The following RYR2 variants were observed in gnomAD, a reference collection of about 807,000 sequenced individuals.
RYR2 encodes the protein cardiac muscle ryanodine receptor-calcium release channel.
A neutral mutation model predicts 601.1 loss-of-function variants in RYR2; 227 were observed. The observed-to-expected ratio is 0.38, with a 90% CI of 0.34 to 0.42. The LOEUF is 0.42. Among genes scored for constraint, RYR2 ranks in the 10% least tolerant of loss-of-function variants. The pLI is 1.00. For missense variants in RYR2, 4,646 were observed against 6,156.5 expected (o/e 0.75, Z 8.21); for synonymous variants, 2,223 against 2,175.1 (o/e 1.02, Z -0.61).
chr1:237,535,167 G>T (rs930192231), intron 25 of RYR2, among the ~76,000 whole-genome samples: 1 of 150,688 alleles, frequency 6.6e-6, no homozygotes, highest in African/African-American at 2.4e-5. Context: ...GAAAGTAAAA[G>T]AAAATAAATT....
At chr1:237,342,674 A>T (rs544990414) in intron 3 of RYR2, among the ~76,000 whole-genome samples, 10 of 152,224 alleles carry the variant, frequency 6.6e-5, no homozygotes, top group African/African-American at 2.2e-4. Context: ...GCCACATGTG[A>T]CCCATGACTT....
intron 73 of RYR2, among the ~76,000 whole-genome samples, chr1:237,720,811 G>T (rs572234547): frequency 2.0e-5 from 3 of 152,178 alleles, no homozygotes; most frequent in South Asian, 4.1e-4. Context: ...AAATAAAGGT[G>T]GTTATGATTA....
intron 14 of RYR2, among the ~76,000 whole-genome samples, chr1:237,453,621 T>C (rs947497672): frequency 6.6e-6 from 1 of 152,124 alleles, no homozygotes; most frequent in African/African-American, 2.4e-5. Flanking sequence ...ACAGTAGAGA[T>C]GTTGTCCCAT....
intron 1 of RYR2, among the ~76,000 whole-genome samples, chr1:237,217,742 T>C (rs973539833): frequency 6.6e-6 from 1 of 152,190 alleles, no homozygotes; most frequent in African/African-American, 2.4e-5. Context: ...GACTGCTGAC[T>C]CGCTTTACTC....
At chr1:237,753,220 T>C (rs1692681012) in intron 80 of RYR2, among the ~76,000 whole-genome samples, 1 of 152,214 alleles carries the variant, frequency 6.6e-6, no homozygotes, top group Admixed American at 6.5e-5. Flanking sequence ...AAAACCACAA[T>C]TACCTTTGCA....
chr1:237,464,600 T>C (rs944900366), intron 16 of RYR2, among the ~76,000 whole-genome samples: 1 of 152,186 alleles, frequency 6.6e-6, no homozygotes, highest in Non-Finnish European at 1.5e-5. Context: ...TCTCTGTTTC[T>C]ATCTCAGTCC....
chr1:237,060,201 A>T (rs1662667660), intron 1 of RYR2, among the ~76,000 whole-genome samples: 1 of 152,196 alleles, frequency 6.6e-6, no homozygotes, highest in Non-Finnish European at 1.5e-5. Context: ...ATATAAAATT[A>T]TATGATTACT....
chr1:237,212,556 G>C (rs141496202), intron 1 of RYR2, among the ~76,000 whole-genome samples: 86 of 152,192 alleles, frequency 5.7e-4, no homozygotes, highest in African/African-American at 1.9e-3. Context: ...AGGATGGTAT[G>C]ATTGCACCAG....
chr1:237,231,543 A>ATGTCTAGCTTATTAAATGTCTAGGCTT (rs1684999663), intron 1 of RYR2, among the ~76,000 whole-genome samples: 1 of 152,174 alleles, frequency 6.6e-6, no homozygotes, highest in African/African-American at 2.4e-5. Flanking sequence ...GGCTTATTAA[A>ATGTCTAGCTTATTAAATGTCTAGGCTT]ATAAATGTCA....
intron 1 of RYR2, among the ~76,000 whole-genome samples, chr1:237,198,427 T>A (rs1680804183): frequency 7.5e-6 from 1 of 133,374 alleles, no homozygotes; most frequent in Non-Finnish European, 1.6e-5. Flanking sequence ...TGTTTGAATA[T>A]AGTGTTTCCT....
At chr1:237,730,950 T>C (rs1690626449) in intron 77 of RYR2, among the ~76,000 whole-genome samples, 1 of 152,126 alleles carries the variant, frequency 6.6e-6, no homozygotes. Flanking sequence ...CTCAACAAAA[T>C]TTACAAGCCA....
At chr1:237,257,993 GTC>G (rs1688155169) in intron 1 of RYR2, among the ~76,000 whole-genome samples, 1 of 151,686 alleles carries the variant, frequency 6.6e-6, no homozygotes, top group Non-Finnish European at 1.5e-5. Context: ...GTGAAACCCT[GTC>G]TCTACTAAAA....
At chr1:237,228,131 C>T (rs1684599447) in intron 1 of RYR2, among the ~76,000 whole-genome samples, 1 of 152,172 alleles carries the variant, frequency 6.6e-6, no homozygotes, top group Non-Finnish European at 1.5e-5. Context: ...CCTCTTCCCA[C>T]CCTTTCCCCA....
chr1:237,397,320 A>G (rs907147578), intron 10 of RYR2, among the ~76,000 whole-genome samples: 1 of 152,204 alleles, frequency 6.6e-6, no homozygotes, highest in Non-Finnish European at 1.5e-5. Context: ...ACAGAGGTTA[A>G]TTCTAAGCCG....
intron 47 of RYR2, among the ~76,000 whole-genome samples, chr1:237,641,365 T>G (rs1446627324): frequency 6.6e-6 from 1 of 152,128 alleles, no homozygotes; most frequent in Non-Finnish European, 1.5e-5. Context: ...TTTTCTTTTG[T>G]GTATTTAGCT....
intron 10 of RYR2, among the ~76,000 whole-genome samples, chr1:237,412,961 A>G (rs766995574): frequency 2.0e-5 from 3 of 152,136 alleles, no homozygotes; most frequent in Non-Finnish European, 4.4e-5. Context: ...TGCAGGGAAA[A>G]GGGACAATCC....
At chr1:237,096,453 G>A (rs1181508517) in intron 1 of RYR2, among the ~76,000 whole-genome samples, 1 of 152,158 alleles carries the variant, frequency 6.6e-6, no homozygotes, top group Non-Finnish European at 1.5e-5. Flanking sequence ...AGCAATAGGT[G>A]GCGGATAACA....
At chr1:237,764,316 A>G (rs969849931) in intron 84 of RYR2, among the ~76,000 whole-genome samples, 2 of 151,670 alleles carry the variant, frequency 1.3e-5, no homozygotes, top group African/African-American at 4.9e-5. Flanking sequence ...TGTTTAATTT[A>G]CAGATCCCAC....
chr1:237,156,805 G>A (rs976213314), intron 1 of RYR2, among the ~76,000 whole-genome samples: 7 of 152,174 alleles, frequency 4.6e-5, no homozygotes, highest in African/African-American at 1.2e-4. Flanking sequence ...TGAGCCACTT[G>A]AACTCTGACC....
Sources: gnomAD v4.1 joint callset for allele counts (sites outside exome capture counted in the v4.1 genomes callset) on GRCh38, gnomAD v4.1.1 for gene constraint, MANE v1.5 for transcripts, NCBI Gene and HGNC (gene_info 2026-07-23, HGNC 2026-07-21) for gene names.